NKAIN3: variants seen among roughly 807,000 people sequenced by gnomAD.
The protein encoded by NKAIN3 is sodium/potassium transporting ATPase interacting 3, also known as sodium/potassium-transporting ATPase subunit beta-1-interacting protein 3.
A neutral mutation model predicts 30.2 loss-of-function variants in NKAIN3; 25 were observed. That is an observed-to-expected ratio of 0.83 (90% CI 0.60 to 1.16). The LOEUF is 1.16. Ranked by LOEUF, NKAIN3 falls within the 50% of genes most tolerant of loss-of-function variation. The pLI is 0.00. For missense variants in NKAIN3, 225 were observed against 254.1 expected (o/e 0.89, Z 0.78); for synonymous variants, 91 against 89.6 (o/e 1.02, Z -0.09).
chr8:62,668,111 T>TACACACACACAC lies in NKAIN3; in HGVS notation c.273+78327_273+78338dup, dbSNP rs5891867. On this transcript the variant is annotated intron_variant, in intron 3 of 6. Coordinates refer to ENST00000623646, the MANE Select transcript of NKAIN3 (RefSeq NM_001304533.3). ...TCACACACACATACACACACACACA[T>TACACACACACAC]ACACACACACACACACACACAGTCA... 1.2e-3 allele frequency among the ~76,000 whole-genome samples: 177 copies of TACACACACACAC among 149,128 alleles called. 1 individual carries two copies. Among genetic ancestry groups the TACACACACACAC allele is most frequent in the African/African-American group, 4.2e-3 (173 of 40,878 alleles).
chr8:62,683,033 G>C (rs1241846807), intron 3 of NKAIN3, among the ~76,000 whole-genome samples: 1 of 151,902 alleles, frequency 6.6e-6, no homozygotes, highest in Non-Finnish European at 1.5e-5. Flanking sequence ...TTTTTTGTTT[G>C]TTTGTTTGTT....
At chr8:62,852,507 G>GT (rs1819940413) in intron 4 of NKAIN3, among the ~76,000 whole-genome samples, 1 of 152,034 alleles carries the variant, frequency 6.6e-6, no homozygotes, top group South Asian at 2.1e-4. Flanking sequence ...TTTTGAATGT[G>GT]TTTGCTCTTG....
At chr8:62,874,022 TC>T (rs1432275082) in intron 4 of NKAIN3, among the ~76,000 whole-genome samples, 1 of 151,382 alleles carries the variant, frequency 6.6e-6, no homozygotes, top group African/African-American at 2.4e-5. Context: ...TGAAAAACCC[TC>T]CAAAAAATCA....
At chr8:62,643,197 G>A (rs1216713149) in intron 3 of NKAIN3, among the ~76,000 whole-genome samples, 1 of 151,976 alleles carries the variant, frequency 6.6e-6, no homozygotes, top group Non-Finnish European at 1.5e-5. Flanking sequence ...TTCACCTCCA[G>A]TATAGTAACA....
intron 4 of NKAIN3, among the ~76,000 whole-genome samples, chr8:62,788,123 A>G (rs1235428673): frequency 1.3e-5 from 2 of 152,178 alleles, no homozygotes; most frequent in African/African-American, 4.8e-5. Context: ...ACCGACTTCC[A>G]CAAAGGTTGA....
intron 3 of NKAIN3, among the ~76,000 whole-genome samples, chr8:62,668,086 TCACACACACATACA>T (rs986379838): frequency 1.1e-4 from 15 of 142,024 alleles, no homozygotes; most frequent in African/African-American, 2.4e-4. Flanking sequence ...AGGCCCCACC[TCACACACACATACA>T]CACACACACA....
chr8:62,548,426 G>A (rs753528648), intron 1 of NKAIN3, among the ~76,000 whole-genome samples: 4 of 151,966 alleles, frequency 2.6e-5, no homozygotes, highest in Non-Finnish European at 5.9e-5. Flanking sequence ...CCCTGTCCAG[G>A]GGCCTGGGGC....
At chr8:62,655,218 C>T (rs1812731674) in intron 3 of NKAIN3, among the ~76,000 whole-genome samples, 1 of 152,166 alleles carries the variant, frequency 6.6e-6, no homozygotes, top group South Asian at 2.1e-4. Context: ...CACTCCCTTT[C>T]TTCAACCAGA....
At chr8:62,927,816 A>G (rs374973391) in intron 5 of NKAIN3, among the ~76,000 whole-genome samples, 29 of 152,334 alleles carry the variant, frequency 1.9e-4, no homozygotes, top group Admixed American at 1.7e-3. Context: ...AAGCATTTTC[A>G]GTAAGGTCAG....
rs572150403 is a variant in NKAIN3, at chr8:62,552,454, A to AATCTATTC, written c.55-27083_55-27076dup. Among the ~76,000 whole-genome samples the AATCTATTC allele has an allele frequency of 1.1e-4, 16 of 152,330 alleles. No homozygotes were observed. The South Asian group carries it at 3.3e-3, about 32-fold the overall frequency. On this transcript the variant is annotated intron_variant, in intron 1 of 6. Coordinates refer to ENST00000623646, the MANE Select transcript of NKAIN3 (RefSeq NM_001304533.3). Reference sequence around the variant, plus strand: ...GAAAGAAAGTCCAATCTCAATGAACAATCTATTCACATCTCCTGTTGTTAT... The same window carrying AATCTATTC: ...GAAAGAAAGTCCAATCTCAATGAACAATCTATTCATCTATTCACATCTCCTGTTGTTAT...
At chr8:62,952,851 T>C (rs1025944466) in intron 5 of NKAIN3, among the ~76,000 whole-genome samples, 4 of 152,154 alleles carry the variant, frequency 2.6e-5, no homozygotes, top group African/African-American at 9.7e-5. Flanking sequence ...ATATCTTGAC[T>C]TGAGAAAAGA....
At chr8:62,497,313 G>C (rs1027298332) in intron 1 of NKAIN3, among the ~76,000 whole-genome samples, 2 of 152,040 alleles carry the variant, frequency 1.3e-5, no homozygotes, top group Non-Finnish European at 2.9e-5. Context: ...CTCAGTTGTA[G>C]ACTTGAAAAT....
At position 62,960,939 on chromosome 8, in the gene NKAIN3, C is replaced by T. The variant is rs139295957; in HGVS notation, c.604-4415C>T. 2.8e-4 allele frequency among the ~76,000 whole-genome samples: 42 copies of T among 152,188 alleles called. No homozygotes were observed. In the East Asian group the frequency reaches 5.6e-3, roughly 20 times the overall value. ...AGATGATCTCAAGGATCCCCAAAAT[C>T]GAAGTATTCTATGCAGACCCATTGA... On this transcript the variant is annotated intron_variant, in intron 6 of 6. Coordinates refer to ENST00000623646, the MANE Select transcript of NKAIN3 (RefSeq NM_001304533.3).
intron 3 of NKAIN3, among the ~76,000 whole-genome samples, chr8:62,619,581 A>T (rs1175550003): frequency 6.6e-6 from 1 of 152,084 alleles, no homozygotes; most frequent in African/African-American, 2.4e-5. Flanking sequence ...CCTAAAATGT[A>T]TAAAACCAAG....
chr8:62,757,680 G>T (rs1816500188), intron 4 of NKAIN3, among the ~76,000 whole-genome samples: 1 of 152,164 alleles, frequency 6.6e-6, no homozygotes, highest in African/African-American at 2.4e-5. Context: ...GGGAAGAAGG[G>T]AAAAGGAATT....
intron 5 of NKAIN3, among the ~76,000 whole-genome samples, chr8:62,944,713 G>A (rs1180602952): frequency 6.6e-6 from 1 of 151,978 alleles, no homozygotes; most frequent in Non-Finnish European, 1.5e-5. Flanking sequence ...TCAATTATTG[G>A]CCATCAACAT....
chr8:62,616,240 A>G (rs1215570229), intron 3 of NKAIN3, among the ~76,000 whole-genome samples: 1 of 152,046 alleles, frequency 6.6e-6, no homozygotes, highest in Non-Finnish European at 1.5e-5. Context: ...CATAGACCCC[A>G]CAGGTTAAGG....
chr8:62,653,635 G>T (rs994522232), intron 3 of NKAIN3, among the ~76,000 whole-genome samples: 2 of 152,186 alleles, frequency 1.3e-5, no homozygotes, highest in African/African-American at 4.8e-5. Context: ...AAAGGAACAA[G>T]GAGGATGCAA....
chr8:62,996,772 C>T (rs1459408683), intron 5 of NKAIN3, among the ~76,000 whole-genome samples: 1 of 152,150 alleles, frequency 6.6e-6, no homozygotes, highest in Non-Finnish European at 1.5e-5. Flanking sequence ...CCTGATGGGG[C>T]AGTCATTAAA....
Sources: gnomAD v4.1 joint callset for allele counts (sites outside exome capture counted in the v4.1 genomes callset) on GRCh38, gnomAD v4.1.1 for gene constraint, MANE v1.5 for transcripts, NCBI Gene and HGNC (gene_info 2026-07-23, HGNC 2026-07-21) for gene names.